Variants in TUSC3 observed in about 807,000 individuals in gnomAD.
TUSC3 encodes tumor suppressor candidate 3, also known as dolichyl-diphosphooligosaccharide--protein glycosyltransferase subunit TUSC3.
Under a neutral mutation model 44.8 loss-of-function variants are expected in TUSC3, and 45 were observed. The observed-to-expected ratio is 1.00, with a 90% CI of 0.79 to 1.29. TUSC3 has a LOEUF of 1.29. Ranked by LOEUF, TUSC3 falls within the 50% of genes most tolerant of loss-of-function variation. TUSC3 has a pLI of 0.00. For missense variants in TUSC3, 519 were observed against 437.9 expected (o/e 1.19, Z -1.65); for synonymous variants, 212 against 152.9 (o/e 1.39, Z -2.85).
intron 2 of TUSC3, among the ~76,000 whole-genome samples, chr8:15,641,376 AAAAG>A (rs1806362606): frequency 6.6e-6 from 1 of 151,810 alleles, no homozygotes; most frequent in African/African-American, 2.4e-5. Context: ...AAAAAAAAAA[AAAAG>A]AAAAGTTGCA....
the TUSC3 span, among the ~76,000 whole-genome samples, chr8:15,771,769 T>C: frequency 6.6e-6 from 1 of 151,942 alleles, no homozygotes; most frequent in Admixed American, 6.6e-5. Context: ...AGAGGGGGAT[T>C]TGTAGCTGGA....
intron 7 of TUSC3, among the ~76,000 whole-genome samples, chr8:15,735,190 C>T (rs1046485829): frequency 6.6e-6 from 1 of 152,044 alleles, no homozygotes; most frequent in Non-Finnish European, 1.5e-5. Context: ...AAGCAGGAGT[C>T]GCTGGCAGTC....
intron 6 of TUSC3, among the ~76,000 whole-genome samples, chr8:15,727,983 C>T (rs1810567712): frequency 6.6e-6 from 1 of 152,158 alleles, no homozygotes; most frequent in South Asian, 2.1e-4. Context: ...TTCCTCTCTC[C>T]TGCCTTATGT....
At chr8:15,451,149 T>C (rs1800193403) in intron 1 of TUSC3, among the ~76,000 whole-genome samples, 1 of 152,220 alleles carries the variant, frequency 6.6e-6, no homozygotes, top group Non-Finnish European at 1.5e-5. Flanking sequence ...GGTTGTGATA[T>C]CATGATATAA....
At position 15,630,483 on chromosome 8, in the gene TUSC3, A is replaced by G. The variant is rs537938793; in HGVS notation, c.308+7234A>G. ...TATATTATGTCATGTGATTCTCATT[A>G]TTGTGAAAGTTAGATATGAACAAAA... On this transcript the variant is annotated intron_variant, in intron 2 of 10. Transcript: ENST00000503731. 6.9e-4 allele frequency among the ~76,000 whole-genome samples: 105 copies of G among 152,230 alleles called. 1 individual carries two copies. In the South Asian group the frequency reaches 7.3e-3, roughly 11 times the overall value.
intron 2 of TUSC3, among the ~76,000 whole-genome samples, chr8:15,636,376 G>T (rs1462562982): frequency 6.6e-6 from 1 of 152,078 alleles, no homozygotes; most frequent in Non-Finnish European, 1.5e-5. Context: ...GGTGGCCAGG[G>T]TCAGCTGCAC....
intron 1 of TUSC3, among the ~76,000 whole-genome samples, chr8:15,600,548 TTTATTC>T (rs1804242859): frequency 6.6e-6 from 1 of 151,718 alleles, no homozygotes; most frequent in Non-Finnish European, 1.5e-5. Context: ...AAGATGCTGT[TTTATTC>T]TTGTTTGCTT....
intron 1 of TUSC3, among the ~76,000 whole-genome samples, chr8:15,430,898 G>T (rs976871838): frequency 6.6e-6 from 1 of 151,714 alleles, no homozygotes; most frequent in Admixed American, 6.6e-5. Flanking sequence ...TTGTACACCA[G>T]TTACTAAAGA....
chr8:15,688,627 G>C (rs541273233), intron 6 of TUSC3, among the ~76,000 whole-genome samples: 3 of 152,024 alleles, frequency 2.0e-5, no homozygotes, highest in Admixed American at 6.6e-5. Flanking sequence ...TTGGTCTTTT[G>C]TTTTTGTTTG....
At chr8:15,486,173 T>G (rs113031172) in intron 2 of TUSC3, among the ~76,000 whole-genome samples, 2 of 152,266 alleles carry the variant, frequency 1.3e-5, no homozygotes, top group African/African-American at 4.8e-5. Flanking sequence ...GTGACGTGAT[T>G]GGTCATTGCT....
chr8:15,495,909 A>G (rs1011404293), intron 2 of TUSC3, among the ~76,000 whole-genome samples: 2 of 152,156 alleles, frequency 1.3e-5, no homozygotes, highest in Non-Finnish European at 2.9e-5. Flanking sequence ...CAGGGTCACT[A>G]TACACTATTT....
chr8:15,622,727 CTAGAG>C (rs976601217), intron 1 of TUSC3, among the ~76,000 whole-genome samples: 1 of 151,994 alleles, frequency 6.6e-6, no homozygotes, highest in Non-Finnish European at 1.5e-5. Flanking sequence ...TTTGGCTAGA[CTAGAG>C]TAGAGCAGTT....
chr8:15,590,997 A>T (rs772484389), intron 1 of TUSC3, among the ~76,000 whole-genome samples: 1 of 152,204 alleles, frequency 6.6e-6, no homozygotes, highest in Non-Finnish European at 1.5e-5. Flanking sequence ...GCCAGATCTG[A>T]TATAAAGAAG....
intron 2 of TUSC3, among the ~76,000 whole-genome samples, chr8:15,641,032 G>A (rs184295075): frequency 0.03 from 4,595 of 152,254 alleles, 90 homozygotes; most frequent in Middle Eastern, 0.082. Context: ...TGTGTTATAT[G>A]TATTGTGTGC....
intron 7 of TUSC3, among the ~76,000 whole-genome samples, chr8:15,732,942 T>A (rs1026472475): frequency 6.6e-6 from 1 of 152,194 alleles, no homozygotes; most frequent in Non-Finnish European, 1.5e-5. Context: ...TGCTTACATT[T>A]ACTTACTTGC....
At chr8:15,796,237 T>G in the TUSC3 span, among the ~76,000 whole-genome samples, 26 of 152,324 alleles carry the variant, frequency 1.7e-4, no homozygotes, top group African/African-American at 6.0e-4. Context: ...CTGAGTCAGC[T>G]GCTTACTTCC....
chr8:15,467,838 C>A lies in TUSC3; in HGVS notation n.92-15548C>A, dbSNP rs549386918. Reference sequence around the variant, plus strand: ...TATCTTTTCTACGTATGCTTCTAACCTAAAGTTTTTTATCCACAATACCTT... The same window carrying A: ...TATCTTTTCTACGTATGCTTCTAACATAAAGTTTTTTATCCACAATACCTT... On this transcript the variant is annotated intron_variant and non_coding_transcript_variant, in intron 1 of 5. Coordinates refer to the TUSC3 transcript ENST00000503191. Among the ~76,000 whole-genome samples, 22 of 152,180 alleles carry A rather than the reference C, an allele frequency of 1.4e-4. 1 individual carries two copies. The highest frequency in any genetic ancestry group is 5.1e-4 in the African/African-American group (21 of 41,534).
At chr8:15,659,144 A>C (rs1486748897) in intron 3 of TUSC3, among the ~76,000 whole-genome samples, 1 of 152,150 alleles carries the variant, frequency 6.6e-6, no homozygotes, top group Non-Finnish European at 1.5e-5. Flanking sequence ...TAAGAAGTAA[A>C]ATAATTCATG....
intron 1 of TUSC3, among the ~76,000 whole-genome samples, chr8:15,463,496 T>C (rs1408714613): frequency 6.6e-6 from 1 of 152,150 alleles, no homozygotes; most frequent in Non-Finnish European, 1.5e-5. Context: ...CAGTTTATGC[T>C]ATTCTCATTT....
Sources: gnomAD v4.1 joint callset for allele counts (sites outside exome capture counted in the v4.1 genomes callset) on GRCh38, gnomAD v4.1.1 for gene constraint, MANE v1.5 for transcripts, NCBI Gene and HGNC (gene_info 2026-07-23, HGNC 2026-07-21) for gene names.